The following CUX1 variants were observed in gnomAD, a reference collection of about 807,000 sequenced individuals.
CUX1 encodes cut like homeobox 1.
Under a neutral mutation model 158.8 loss-of-function variants are expected in CUX1, and 31 were observed. The observed-to-expected ratio is 0.20, with a 90% CI of 0.15 to 0.26. The LOEUF is 0.26. Among genes scored for constraint, CUX1 ranks in the 10% least tolerant of loss-of-function variants. The pLI is 1.00. For synonymous variants in CUX1, 879 were observed against 862.1 expected (o/e 1.02, Z -0.34); for missense variants, 1,589 against 2,014.6 (o/e 0.79, Z 4.04).
intron 1 of CUX1, among the ~76,000 whole-genome samples, chr7:101,879,140 G>A (rs529917123): frequency 2.6e-5 from 4 of 152,286 alleles, no homozygotes; most frequent in East Asian, 3.9e-4. Context: ...GCCTTTTCAA[G>A]CATATCTTGA....
chr7:102,249,406 G>A lies in CUX1; in HGVS notation c.*364G>A. 1 of 988,660 alleles carries A rather than the reference G, an allele frequency of 1.0e-6. No individual in the cohort carries two copies. Among genetic ancestry groups the A allele is most frequent in the Non-Finnish European group, 1.2e-6 (1 of 831,830 alleles). 61.2% of individuals were successfully genotyped at this position (988,660 alleles called of 1,614,324 possible). The stretch of plus-strand genomic sequence containing the variant: ...CAAGGTGCATATAGAAAACAAAGGA[G>A]CATTAAGCCCAATCTATGTCGTGTT... On this transcript the variant is annotated 3_prime_UTR_variant, in exon 24 of 24. Coordinates refer to ENST00000292535, the MANE Select transcript of CUX1 (RefSeq NM_181552.4).
intron 23 of CUX1, among the ~76,000 whole-genome samples, chr7:102,242,720 T>C (rs185320448): frequency 6.6e-6 from 1 of 152,206 alleles, no homozygotes; most frequent in East Asian, 1.9e-4. Context: ...GTTTCCCAAG[T>C]CCCCCAACAG....
intron 14 of CUX1, among the ~76,000 whole-genome samples, chr7:102,269,406 C>G (rs1554545704): frequency 6.7e-6 from 1 of 149,828 alleles, no homozygotes; most frequent in Non-Finnish European, 1.5e-5. Context: ...AACAGTACCC[C>G]AAAGTCTTTT....
intron 8 of CUX1, chr7:102,154,346 A>G (rs1304556777): frequency 1.5e-4 from 23 of 152,154 alleles, no homozygotes; most frequent in Admixed American, 1.5e-3. Context: ...GCAGTGGTTC[A>G]CACCTATAAT....
intron 23 of CUX1, among the ~76,000 whole-genome samples, chr7:102,245,441 CAG>C (rs1248829128): frequency 6.6e-6 from 1 of 152,188 alleles, no homozygotes; most frequent in African/African-American, 2.4e-5. Context: ...AGTCTGCACA[CAG>C]GGGCCAAGCT....
At chr7:102,204,283 G>A in intron 18 of CUX1, 108 bp from the exon 19 acceptor site, 1 of 1,422,590 alleles carries the variant, frequency 7.0e-7, no homozygotes, top group Non-Finnish European at 9.6e-7. Flanking sequence ...GTGCTCAGAA[G>A]TCAGCCCTAG....
At chr7:102,181,073 C>T (rs1316033396) in intron 11 of CUX1, among the ~76,000 whole-genome samples, 7 of 151,548 alleles carry the variant, frequency 4.6e-5, no homozygotes, top group Admixed American at 4.6e-4. Context: ...TCCTGAGTAG[C>T]TGGGATTACA....
At chr7:101,827,785 A>T (rs950942278) in intron 1 of CUX1, among the ~76,000 whole-genome samples, 1 of 152,148 alleles carries the variant, frequency 6.6e-6, no homozygotes, top group Non-Finnish European at 1.5e-5. Flanking sequence ...TGTAAGGAAG[A>T]GAGAATATAT....
chr7:102,260,403 TGTTTCGTTTC>T (rs1257309395), downstream of CUX1, among the ~76,000 whole-genome samples: 1 of 143,456 alleles, frequency 7.0e-6, no homozygotes, highest in Non-Finnish European at 1.5e-5. Flanking sequence ...ATTTGTTATT[TGTTTCGTTTC>T]GTTTTGTTTT....
intron 10 of CUX1, among the ~76,000 whole-genome samples, chr7:102,175,517 G>A (rs373715308): frequency 2.9e-4 from 44 of 152,174 alleles, no homozygotes; most frequent in African/African-American, 8.9e-4. Flanking sequence ...ATGTCCAGGC[G>A]CCTCTGGCTA....
rs1789775878 is a variant in CUX1, at chr7:102,255,303, A to G, written c.*6261A>G. On this transcript the variant is annotated 3_prime_UTR_variant, in exon 24 of 24. Transcript: ENST00000292535. ...TTCATTTTTGGATGAAGTGACATTT[A>G]GCTTTAACAAGACATTTCCAAAGCG... 3 of 984,520 alleles carry G rather than the reference A, an allele frequency of 3.0e-6. No individual in the cohort carries two copies. The highest frequency in any genetic ancestry group is 2.4e-6 in the Non-Finnish European group (2 of 829,880). 61.0% of individuals were successfully genotyped at this position (984,520 alleles called of 1,614,324 possible). A position where few individuals can be genotyped will look rare whatever the true frequency, so the allele number is the denominator to read the frequency against.
rs373534216 is a variant in CUX1, at chr7:102,269,556, C to G, written c.1256-3810C>G. ...AAATAGCTGGGATTACAGGGGTCCG[C>G]CACCATGCCCGGCTAATTTTTTTTT... is the stretch of plus-strand genomic sequence containing the variant. On this transcript the variant is annotated intron_variant, in intron 14 of 22. Coordinates refer to the CUX1 transcript ENST00000292538. 1.1e-3 allele frequency among the ~76,000 whole-genome samples: 169 copies of G among 151,318 alleles called. 1 individual carries two copies. Among genetic ancestry groups the G allele is most frequent in the African/African-American group, 3.8e-3 (157 of 41,254 alleles).
chr7:102,275,638 C>A (rs1467151998), intron 17 of CUX1, among the ~76,000 whole-genome samples: 1 of 152,110 alleles, frequency 6.6e-6, no homozygotes, highest in African/African-American at 2.4e-5. Flanking sequence ...TGCCCTCTTG[C>A]CAGGCTGGGA....
intron 8 of CUX1, among the ~76,000 whole-genome samples, chr7:102,144,687 A>G (rs1203959797): frequency 6.8e-6 from 1 of 148,092 alleles, no homozygotes; most frequent in Middle Eastern, 3.2e-3. Context: ...AAAAAAAAAC[A>G]GTAAAAATAA....
chr7:101,984,496 CAAA>C (rs569101693), intron 2 of CUX1, among the ~76,000 whole-genome samples: 2 of 111,664 alleles, frequency 1.8e-5, no homozygotes, highest in African/African-American at 7.4e-5. Context: ...TGTTCTCCGG[CAAA>C]AAAAAAAAAA....
chr7:102,233,975 A>T, intron 21 of CUX1, 77 bp from the exon 22 acceptor site: 1 of 1,230,074 alleles, frequency 8.1e-7, no homozygotes, highest in Non-Finnish European at 1.1e-6. Context: ...GTCTGATTTT[A>T]ACCTTGACAC....
intron 2 of CUX1, among the ~76,000 whole-genome samples, chr7:101,991,989 C>T (rs528172617): frequency 3.3e-5 from 5 of 152,120 alleles, no homozygotes; most frequent in East Asian, 1.9e-4. Context: ...CCCAGGAGTC[C>T]GAGACCAACT....
Position 101,817,790 on chromosome 7 carries a change from G to T in CUX1, c.30+121G>T, listed in dbSNP as rs1792041233. ...AGGGCGGCCTGGTGCTCTGGGAGGG[G>T]ATAGGAGGGTTCCTCAGGGCCCCTG... On this transcript the variant is annotated intron_variant, in intron 1 of 23. Coordinates refer to ENST00000292535, the MANE Select transcript of CUX1 (RefSeq NM_181552.4). The surrounding 1 kb of genome is among the most constrained non-coding windows in gnomAD (Gnocchi z 4.1). 2.5e-6 allele frequency: 3 copies of T among 1,216,794 alleles called. No individual in the cohort carries two copies. Among genetic ancestry groups the T allele is most frequent in the East Asian group, 2.8e-5 (1 of 35,792 alleles). The allele number at this position is 1,216,794 out of a possible 1,614,324, so 75.4% of individuals were successfully genotyped here. A position where few individuals can be genotyped will look rare whatever the true frequency, so the allele number is the denominator to read the frequency against.
chr7:102,031,653 A>T (rs1406265338), intron 3 of CUX1, among the ~76,000 whole-genome samples: 4 of 152,194 alleles, frequency 2.6e-5, no homozygotes, highest in Non-Finnish European at 5.9e-5. Context: ...TAATTTATAA[A>T]TAAATTTTAT....
Sources: allele counts gnomAD v4.1 joint callset (sites outside exome capture counted in the v4.1 genomes callset), GRCh38; gene constraint gnomAD v4.1.1; non-coding constraint Gnocchi (gnomAD v3.1); transcripts MANE v1.5; gene names NCBI Gene and HGNC (gene_info 2026-07-23, HGNC 2026-07-21).